The following BAZ2A variants were observed in gnomAD, a reference collection of about 807,000 sequenced individuals.
BAZ2A encodes bromodomain adjacent to zinc finger domain protein 2A.
A neutral mutation model predicts 199.9 loss-of-function variants in BAZ2A; 34 were observed. The observed-to-expected ratio is 0.17, with a 90% CI of 0.13 to 0.23. The LOEUF (loss-of-function observed/expected upper bound fraction) is 0.23, where lower values mean the gene tolerates loss of function less well. BAZ2A is among the 10% of genes least tolerant of loss of function. BAZ2A has a pLI of 1.00. For synonymous variants in BAZ2A, 857 were observed against 883.9 expected, an observed-to-expected ratio of 0.97 and a Z score of 0.54; for missense variants, 2,002 against 2,391.1, an observed-to-expected ratio of 0.84 and a Z score of 3.39.
chr12:56,636,422 G>A, upstream of BAZ2A: 1 of 1,345,610 alleles, frequency 7.4e-7, no homozygotes, highest in Non-Finnish European at 9.7e-7. Context: ...TTCTCTGGGT[G>A]GAGAGAGGGA....
At position 56,611,641 on chromosome 12, in the gene BAZ2A, G is replaced by C. The variant is rs769887031; in HGVS notation, c.1610-8C>G. On this transcript the variant is annotated splice_polypyrimidine_tract_variant and splice_region_variant and intron_variant, in intron 6 of 28. Transcript: ENST00000549884. ...GTCTCCTCATGACATCACCTTGGGA[G>C]GAAGGGATACCCAAGTTAAGAGTTC... 37 of 1,597,682 alleles carry C rather than the reference G, an allele frequency of 2.3e-5. No individual in the cohort carries two copies. Among genetic ancestry groups the C allele is most frequent in the Non-Finnish European group, 2.9e-5 (34 of 1,174,654 alleles).
At chr12:56,608,819 T>A (rs2136947971) in intron 10 of BAZ2A, among the ~76,000 whole-genome samples, 2 of 148,656 alleles carry the variant, frequency 1.3e-5, no homozygotes, top group African/African-American at 4.9e-5. Context: ...TCTGCCCTCC[T>A]CAGTCTCCCA....
chr12:56,622,223 C>A (rs1394824423), intron 1 of BAZ2A, among the ~76,000 whole-genome samples: 1 of 151,904 alleles, frequency 6.6e-6, no homozygotes, highest in Non-Finnish European at 1.5e-5. Context: ...ACCTGTAATC[C>A]CAGCTACTCA....
At chr12:56,622,431 C>T (rs778649071) in intron 1 of BAZ2A, among the ~76,000 whole-genome samples, 12 of 152,130 alleles carry the variant, frequency 7.9e-5, no homozygotes, top group Non-Finnish European at 1.6e-4. Flanking sequence ...TCCTTATATA[C>T]AATTTGACTC....
chr12:56,615,368 C>A lies in BAZ2A; in HGVS notation c.376G>T (p.Gly126Trp). The change falls in exon 3 of 29, where the codon GGG becomes TGG. Residue 126 changes from glycine to tryptophan, a missense_variant. Physicochemically the swap from Gly to Trp is radical, Grantham distance 184. Coordinates refer to ENST00000549884, the MANE Select transcript of BAZ2A (RefSeq NM_001300905.2). ...GGQYPLNGIL[G>W]GSRQPSSPSH... ...GGGGATGAAGGTTGCCGGCTGCCCC[C>A]AAGGATGCCGTTGAGTGGGTATTGT... 1 of 1,613,578 alleles carries A rather than the reference C, an allele frequency of 6.2e-7. No homozygotes were observed. The highest frequency in any genetic ancestry group is 1.1e-5 in the South Asian group (1 of 91,050).
At chr12:56,628,121 G>A (rs1442650579) in intron 1 of BAZ2A, among the ~76,000 whole-genome samples, 1 of 128,478 alleles carries the variant, frequency 7.8e-6, no homozygotes, top group Non-Finnish European at 1.5e-5. Context: ...GGCAGAGGTT[G>A]CAGTGAGACA....
At chr12:56,604,998 T>C in intron 14 of BAZ2A, 75 bp downstream of exon 14, 4 of 1,500,788 alleles carry the variant, frequency 2.7e-6, no homozygotes, top group Non-Finnish European at 3.6e-6. Flanking sequence ...TGGAAAAATA[T>C]AAGGAAAAGA....
At chr12:56,634,399 A>C (rs1951395160), upstream of BAZ2A, among the ~76,000 whole-genome samples, 1 of 152,108 alleles carries the variant, frequency 6.6e-6, no homozygotes, top group African/African-American at 2.4e-5. Flanking sequence ...ACCTGGGCTC[A>C]GTAGGCGGTG....
chr12:56,627,304 T>C (rs1285357469), intron 1 of BAZ2A, among the ~76,000 whole-genome samples: 1 of 151,722 alleles, frequency 6.6e-6, no homozygotes, highest in Non-Finnish European at 1.5e-5. Context: ...CCTTCTCTAC[T>C]AAAAATACAA....
chr12:56,614,868 G>T, intron 3 of BAZ2A, 146 bp downstream of exon 3: 1 of 836,002 alleles, frequency 1.2e-6, no homozygotes, highest in Non-Finnish European at 1.9e-6. Context: ...CCAGCCACTT[G>T]GCTCTGCTAA....
In BAZ2A at chr12:56,616,127, T is replaced by C. The variant is rs10431496; in HGVS notation, c.137-520A>G. ...CCGTGTTGGCCAGGATGGTCTCATC[T>C]CTTGACCTCGTGATCCACCTGCCTC... On this transcript the variant is annotated intron_variant, in intron 2 of 28. Coordinates refer to ENST00000549884, the MANE Select transcript of BAZ2A (RefSeq NM_001300905.2). Among the ~76,000 whole-genome samples the C allele has an allele frequency of 4.3e-3, 651 of 152,202 alleles. 8 individuals carry two copies. Among genetic ancestry groups the C allele is most frequent in the East Asian group, 0.029 (151 of 5,166 alleles).
intron 18 of BAZ2A, 104 bp from the exon 19 acceptor site, chr12:56,602,961 T>C: frequency 7.6e-7 from 1 of 1,308,722 alleles, no homozygotes. Flanking sequence ...AGTCCCTCTA[T>C]AAAAGTGATG....
chr12:56,608,212 A>G (rs1053900311), intron 10 of BAZ2A, among the ~76,000 whole-genome samples: 1 of 152,082 alleles, frequency 6.6e-6, no homozygotes, highest in African/African-American at 2.4e-5. Flanking sequence ...CTCTACTAAA[A>G]ATACAAAAAA....
Position 56,612,075 on chromosome 12 carries a change from G to C in BAZ2A, c.1307C>G (p.Ser436Cys). Residue 436 changes from serine (S) to cysteine (C), a missense_variant, in exon 6 of 29, where the codon TCC (serine) becomes TGC (cysteine). Coordinates refer to ENST00000549884, the MANE Select transcript of BAZ2A (RefSeq NM_001300905.2). ...AVSPTTSPAV[S>C]LVVSPAASPE... The stretch of plus-strand genomic sequence containing the variant: ...GGAGGCTGCTGGAGAAACCACTAGG[G>C]AGACTGCTGGGGAGGTTGTTGGCGA... 6.2e-7 allele frequency: 1 copy of C among 1,613,798 alleles called. No individual in the cohort carries two copies. Among genetic ancestry groups the C allele is most frequent in the South Asian group, 1.1e-5 (1 of 91,050 alleles).
At chr12:56,605,423 ATTT>A (rs376954501) in intron 13 of BAZ2A, 96 bp from the exon 14 acceptor site, 1,143 of 1,060,732 alleles carry the variant, frequency 1.1e-3, no homozygotes, top group South Asian at 1.7e-3. Flanking sequence ...TTTTTATGTA[ATTT>A]TTTTTTTTTT....
At chr12:56,630,729 G>A (rs937170364), upstream of BAZ2A, 4 of 956,856 alleles carry the variant, frequency 4.2e-6, no homozygotes, top group African/African-American at 3.5e-5. Flanking sequence ...CTCAGGTCGC[G>A]ATTCAGTAAA....
rs1885860030 is a variant in BAZ2A, at chr12:56,596,589, TTAATC to T, written c.*2024_*2028del. The T allele has an allele frequency of 6.6e-6, 1 of 151,984 alleles. No homozygotes were observed. The highest frequency in any genetic ancestry group is 2.4e-5 in the African/African-American group (1 of 41,288). 9.4% of individuals were successfully genotyped at this position (151,984 alleles called of 1,614,324 possible). ...CTCCCCCATCCACCTCACAATGAAA[TTAATC>T]TAGCACATCTTATACCAGGGGAAAA... On this transcript the variant is annotated 3_prime_UTR_variant, in exon 29 of 29. Transcript: ENST00000549884.
In BAZ2A at chr12:56,596,873, G is replaced by C. The variant is rs1592540362; in HGVS notation, c.*1745C>G. 1 of 152,458 alleles carries C rather than the reference G, an allele frequency of 6.6e-6. No individual in the cohort carries two copies. The highest frequency in any genetic ancestry group is 2.1e-4 in the South Asian group (1 of 4,828). 9.4% of individuals were successfully genotyped at this position (152,458 alleles called of 1,614,324 possible). On this transcript the variant is annotated 3_prime_UTR_variant, in exon 29 of 29. Coordinates refer to ENST00000549884, the MANE Select transcript of BAZ2A (RefSeq NM_001300905.2). Reference sequence around the variant, plus strand: ...GAGAAGGGGCATAAAGGAATAAAGGGGCTGCCCCAGGACCTACACTGCCCC... The same window carrying C: ...GAGAAGGGGCATAAAGGAATAAAGGCGCTGCCCCAGGACCTACACTGCCCC...
upstream of BAZ2A, among the ~76,000 whole-genome samples, chr12:56,637,770 C>CAAA (rs537402652): frequency 1.9e-3 from 232 of 123,250 alleles, 1 homozygote; most frequent in African/African-American, 6.0e-3. Flanking sequence ...GAATAGAGGC[C>CAAA]AAAAAAAAAA....
Sources: gnomAD v4.1 joint callset for allele counts (sites outside exome capture counted in the v4.1 genomes callset) on GRCh38, gnomAD v4.1.1 for gene constraint, MANE v1.5 for transcripts, NCBI Gene and HGNC (gene_info 2026-07-23, HGNC 2026-07-21) for gene names.